The following DNAH9 variants were observed in gnomAD, a reference collection of about 807,000 sequenced individuals.
The protein encoded by DNAH9 is DNAH9 variant protein.
Under a neutral mutation model 471.6 loss-of-function variants are expected in DNAH9, and 345 were observed. The observed-to-expected ratio is 0.73, with a 90% CI of 0.67 to 0.80. The LOEUF (loss-of-function observed/expected upper bound fraction) is 0.80. DNAH9 is among the 30% of genes least tolerant of loss of function. The pLI is 0.00. For synonymous variants in DNAH9, 2,093 were observed against 2,123.6 expected, an observed-to-expected ratio of 0.99 and a Z score of 0.40; for missense variants, 5,407 against 5,609.2, an observed-to-expected ratio of 0.96 and a Z score of 1.15.
At chr17:11,929,755 T>A in intron 62 of DNAH9, 111 bp from the exon 63 acceptor site, 1 of 861,482 alleles carries the variant, frequency 1.2e-6, no homozygotes, top group Non-Finnish European at 1.8e-6. Context: ...TTTTAAAAAT[T>A]ATGTGATGCT....
In DNAH9 at chr17:11,881,588, G is replaced by C. The variant is rs372168720; in HGVS notation, c.10806+175G>C. Among the ~76,000 whole-genome samples the C allele has an allele frequency of 1.3e-4, 20 of 152,248 alleles. No homozygotes were observed. In the East Asian group the frequency reaches 1.4e-3, roughly 10 times the overall value. ...GGGAATACCATACTGGGGAAAGAAG[G>C]ATGGGTGAGCTGAAGAACAGAAGCA... On this transcript the variant is annotated intron_variant, in intron 55 of 68. Transcript: ENST00000262442.
At chr17:11,673,772 C>T (rs754331427) in intron 17 of DNAH9, among the ~76,000 whole-genome samples, 3 of 152,042 alleles carry the variant, frequency 2.0e-5, no homozygotes, top group Non-Finnish European at 4.4e-5. Context: ...AAATCCTTCT[C>T]CCTCCTTGCA....
At position 11,739,011 on chromosome 17, in the gene DNAH9, G is replaced by A. The variant is rs2075395129; in HGVS notation, c.5946G>A (p.Leu1982=). Reference sequence around the variant, plus strand: ...CAGGCTATGCTGGCCGCACAGAGCTGCCAGAGAATCTCAAGTCTCTCTTCA... The same window carrying A: ...CAGGCTATGCTGGCCGCACAGAGCTACCAGAGAATCTCAAGTCTCTCTTCA... ...MNPGYAGRTE[L]PENLKSLFRP... is the part of the protein sequence containing the mutation. Residue 1982 remains leucine, a synonymous_variant, in exon 29 of 69, where the codon CTG becomes CTA. Transcript: ENST00000262442. 3.7e-6 allele frequency: 6 copies of A among 1,613,764 alleles called. No individual in the cohort carries two copies. The East Asian group carries it at 1.3e-4, about 36-fold the overall frequency.
intron 48 of DNAH9, among the ~76,000 whole-genome samples, chr17:11,831,172 G>A (rs866255939): frequency 6.6e-6 from 1 of 152,134 alleles, no homozygotes; most frequent in Non-Finnish European, 1.5e-5. Context: ...ACCTAAGGCT[G>A]GGCAATTTAT....
At chr17:11,896,579 G>T (rs1411317500) in intron 59 of DNAH9, among the ~76,000 whole-genome samples, 2 of 151,958 alleles carry the variant, frequency 1.3e-5, no homozygotes, top group African/African-American at 4.8e-5. Context: ...AGAAATAAGG[G>T]GGTACTCCAT....
intron 67 of DNAH9, among the ~76,000 whole-genome samples, chr17:11,960,790 A>G (rs560134914): frequency 5.3e-5 from 8 of 152,102 alleles, no homozygotes; most frequent in African/African-American, 1.7e-4. Flanking sequence ...AAGTTAAGAG[A>G]AAAAGTTAGA....
chr17:11,834,421 G>A (rs1044732845), intron 48 of DNAH9, among the ~76,000 whole-genome samples: 4 of 152,104 alleles, frequency 2.6e-5, no homozygotes, highest in East Asian at 1.9e-4. Context: ...TTACTATGGT[G>A]GAGAGAGGAC....
chr17:11,752,739 C>T (rs1308089921), intron 32 of DNAH9, 94 bp from the exon 33 acceptor site: 4 of 1,020,928 alleles, frequency 3.9e-6, no homozygotes, highest in East Asian at 2.7e-5. Context: ...TGTACGCCCC[C>T]TTCTGTGTGT....
intron 7 of DNAH9, among the ~76,000 whole-genome samples, chr17:11,631,036 A>G (rs1456887414): frequency 2.6e-5 from 4 of 152,192 alleles, no homozygotes; most frequent in African/African-American, 9.6e-5. Context: ...TTGGGGAGGT[A>G]TAAGTGAAGC....
At chr17:11,911,154 A>G (rs1176180349) in intron 61 of DNAH9, among the ~76,000 whole-genome samples, 1 of 152,150 alleles carries the variant, frequency 6.6e-6, no homozygotes, top group Non-Finnish European at 1.5e-5. Context: ...TTTTCTTCCA[A>G]GATTTTTACT....
At chr17:11,863,654 A>G (rs2150979563) in intron 50 of DNAH9, among the ~76,000 whole-genome samples, 1 of 148,746 alleles carries the variant, frequency 6.7e-6, no homozygotes, top group Non-Finnish European at 1.5e-5. Flanking sequence ...CTGGTCCTGG[A>G]CTCTTTTTGG....
intron 50 of DNAH9, among the ~76,000 whole-genome samples, chr17:11,864,511 G>A: frequency 6.6e-6 from 1 of 150,896 alleles, no homozygotes; most frequent in East Asian, 1.9e-4. Flanking sequence ...GATTTGGGGT[G>A]GAGAGTTCTG....
rs1281408355 is a variant in DNAH9, at chr17:11,679,754, T to C, written c.3354-3T>C. 2.5e-6 allele frequency: 4 copies of C among 1,608,282 alleles called. No individual in the cohort carries two copies. Among genetic ancestry groups the C allele is most frequent in the Non-Finnish European group, 2.6e-6 (3 of 1,174,824 alleles). ...TTCCTCATGTTCTGTTTGTGTTGAT[T>C]AGCTTGGCCAACCTGGATGCGTTTA... On this transcript the variant is annotated splice_region_variant and splice_polypyrimidine_tract_variant and intron_variant, in intron 17 of 68. Coordinates refer to ENST00000262442, the MANE Select transcript of DNAH9 (RefSeq NM_001372.4).
chr17:11,614,458 A>G (rs1164520026), intron 4 of DNAH9, among the ~76,000 whole-genome samples: 1 of 152,200 alleles, frequency 6.6e-6, no homozygotes, highest in African/African-American at 2.4e-5. Flanking sequence ...ACAGGAAAGC[A>G]ACAGTCCCCT....
intron 45 of DNAH9, among the ~76,000 whole-genome samples, chr17:11,814,647 G>A (rs1567821021): frequency 6.6e-6 from 1 of 152,148 alleles, no homozygotes; most frequent in East Asian, 1.9e-4. Context: ...AACCAATGGG[G>A]TCCCTCTCTT....
chr17:11,854,356 G>A lies in DNAH9; in HGVS notation c.9861G>A (p.Gln3287=), dbSNP rs769006602. 1.1e-5 allele frequency: 17 copies of A among 1,613,936 alleles called. No homozygotes were observed. In the Middle Eastern group the frequency reaches 6.6e-4, roughly 62 times the overall value. The change falls in exon 50 of 69, where the codon CAG becomes CAA. Residue 3287 remains glutamine (Q), a synonymous_variant. Transcript: ENST00000262442. The part of the protein sequence containing the change: ...EVFCDVEPKR[Q]ALNKATADLT... ...TCTGTGATGTGGAACCCAAGCGCCA[G>A]GCACTGAACAAAGCCACCGCGGACC...
intron 1 of DNAH9, among the ~76,000 whole-genome samples, chr17:11,606,005 C>CT (rs35977782): frequency 0.43 from 64,755 of 152,016 alleles, 14,778 homozygotes; most frequent in Non-Finnish European, 0.52. Flanking sequence ...GAGTCCCTGC[C>CT]TTTGAGATCC....
chr17:11,638,711 A>T (rs1449362186), intron 9 of DNAH9, among the ~76,000 whole-genome samples: 2 of 152,144 alleles, frequency 1.3e-5, no homozygotes, highest in African/African-American at 4.8e-5. Flanking sequence ...GTAGGTCAGG[A>T]GTCCAGCATG....
chr17:11,898,136 T>TA (rs1458374822), intron 59 of DNAH9, among the ~76,000 whole-genome samples: 1 of 151,466 alleles, frequency 6.6e-6, no homozygotes, highest in South Asian at 2.1e-4. Context: ...CCTTTTCTTT[T>TA]TTTTTTTGAG....
Sources: gnomAD v4.1 joint callset for allele counts (sites outside exome capture counted in the v4.1 genomes callset) on GRCh38, gnomAD v4.1.1 for gene constraint, MANE v1.5 for transcripts, NCBI Gene and HGNC (gene_info 2026-07-23, HGNC 2026-07-21) for gene names.